AGBL1: variants seen among roughly 807,000 people sequenced by gnomAD.
The protein encoded by AGBL1 is AGBL carboxypeptidase 1.
AGBL1 carries 130 observed loss-of-function variants against 118.9 expected under a neutral mutation model. The ratio of observed to expected loss-of-function variants is 1.09; its 90% CI spans 0.95 to 1.26. The LOEUF is 1.26. AGBL1 is among the 50% of genes most tolerant of loss of function. The pLI, the probability that AGBL1 is intolerant of heterozygous loss-of-function variation, is 0.00. For synonymous variants in AGBL1, 555 were observed against 478.9 expected (o/e 1.16, Z -2.08); for missense variants, 1,584 against 1,298.1 (o/e 1.22, Z -3.38).
rs57985975 is a variant in AGBL1, at chr15:87,012,192, T to TACACACACAC, written c.3324-16606_3324-16597dup. On this transcript the variant is annotated intron_variant, in intron 24 of 24. Transcript: ENST00000441037. ...ACTTTTCTTTGTATATACAAATTTA[T>TACACACACAC]ACACACACACACACACACACACACA... 3.5e-3 allele frequency among the ~76,000 whole-genome samples: 494 copies of TACACACACAC among 142,772 alleles called. 4 individuals are homozygous for TACACACACAC. The highest frequency in any genetic ancestry group is 0.011 in the African/African-American group (449 of 39,424). 93.7% of individuals were successfully genotyped at this position (142,772 alleles called of 152,430 possible). A position where few individuals can be genotyped will look rare whatever the true frequency, so the allele number is the denominator to read the frequency against.
intron 18 of AGBL1, among the ~76,000 whole-genome samples, chr15:86,414,776 C>T (rs938249830): frequency 5.3e-5 from 8 of 152,192 alleles, no homozygotes; most frequent in African/African-American, 1.9e-4. Context: ...GCAATGTTTC[C>T]CCAGGCTTTT....
intron 18 of AGBL1, among the ~76,000 whole-genome samples, chr15:86,522,324 G>A (rs151321942): frequency 5.8e-4 from 88 of 152,244 alleles, no homozygotes; most frequent in African/African-American, 2.0e-3. Context: ...TTATGGCCTA[G>A]ATCTCCAGCC....
intron 18 of AGBL1, among the ~76,000 whole-genome samples, chr15:86,510,899 C>T (rs912916551): frequency 2.6e-5 from 4 of 152,022 alleles, no homozygotes; most frequent in East Asian, 1.9e-4. Flanking sequence ...TGTCTATCAC[C>T]TTCTGACCAC....
At chr15:86,956,067 C>T (rs2141677621) in intron 23 of AGBL1, among the ~76,000 whole-genome samples, 1 of 152,092 alleles carries the variant, frequency 6.6e-6, no homozygotes, top group Admixed American at 6.6e-5. Flanking sequence ...TCCCAAGCAA[C>T]ATTGTTGGTA....
intron 17 of AGBL1, among the ~76,000 whole-genome samples, chr15:86,336,589 G>A (rs1453455792): frequency 3.3e-5 from 5 of 152,224 alleles, no homozygotes; most frequent in Admixed American, 6.5e-5. Flanking sequence ...GCATCAGCAT[G>A]AGGAGGGGTG....
At chr15:86,858,559 A>C (rs1019230450) in intron 22 of AGBL1, among the ~76,000 whole-genome samples, 1 of 152,068 alleles carries the variant, frequency 6.6e-6, no homozygotes. Flanking sequence ...CATTCAGCAA[A>C]CATTCACGGA....
At chr15:87,006,070 A>G (rs1251881249) in intron 24 of AGBL1, among the ~76,000 whole-genome samples, 1 of 152,190 alleles carries the variant, frequency 6.6e-6, no homozygotes, top group Non-Finnish European at 1.5e-5. Flanking sequence ...GTCTCAGAAG[A>G]GTACCCAGCC....
intron 21 of AGBL1, among the ~76,000 whole-genome samples, chr15:86,673,531 A>G (rs1038334208): frequency 6.6e-6 from 1 of 152,170 alleles, no homozygotes; most frequent in Non-Finnish European, 1.5e-5. Flanking sequence ...ACTTGTATTC[A>G]TAAGTCTGCA....
At chr15:86,857,463 C>G (rs2079499419) in intron 22 of AGBL1, among the ~76,000 whole-genome samples, 1 of 152,186 alleles carries the variant, frequency 6.6e-6, no homozygotes. Context: ...CACATGGTCT[C>G]TCTCAAAACA....
intron 18 of AGBL1, among the ~76,000 whole-genome samples, chr15:86,456,277 A>T (rs957890083): frequency 2.0e-5 from 3 of 152,230 alleles, no homozygotes; most frequent in Non-Finnish European, 4.4e-5. Context: ...AACTGAAAAA[A>T]GACACAAAGG....
intron 23 of AGBL1, among the ~76,000 whole-genome samples, chr15:86,927,948 A>AT (rs397816459): frequency 8.2e-4 from 125 of 151,772 alleles, no homozygotes; most frequent in Middle Eastern, 3.4e-3. Context: ...ATATATATAT[A>AT]AAATGTGTGT....
At chr15:86,625,081 G>A (rs2084863348) in intron 21 of AGBL1, among the ~76,000 whole-genome samples, 1 of 152,226 alleles carries the variant, frequency 6.6e-6, no homozygotes, top group South Asian at 2.1e-4. Flanking sequence ...CCAGTCATTC[G>A]ACCAGGTTTG....
At chr15:86,277,801 G>A (rs1597668253) in intron 15 of AGBL1, among the ~76,000 whole-genome samples, 1 of 152,210 alleles carries the variant, frequency 6.6e-6, no homozygotes, top group South Asian at 2.1e-4. Flanking sequence ...GGCACAAGGT[G>A]CGTGTTTCCA....
At chr15:86,311,373 G>A (rs1180981951) in intron 17 of AGBL1, among the ~76,000 whole-genome samples, 1 of 152,048 alleles carries the variant, frequency 6.6e-6, no homozygotes, top group Non-Finnish European at 1.5e-5. Flanking sequence ...TCTATTTTTT[G>A]TTTGCTATAA....
intron 22 of AGBL1, among the ~76,000 whole-genome samples, chr15:86,783,665 C>T (rs946172983): frequency 1.3e-5 from 2 of 152,132 alleles, no homozygotes; most frequent in African/African-American, 2.4e-5. Context: ...AGTCTCACTC[C>T]GTCACCCAGG....
At chr15:86,630,925 A>T (rs2084952881) in intron 21 of AGBL1, 1 of 159,806 alleles carries the variant, frequency 6.3e-6, no homozygotes, top group Non-Finnish European at 1.3e-5. Flanking sequence ...GCAACGTGCT[A>T]TTTTAACGAG....
At position 86,433,266 on chromosome 15, in the gene AGBL1, C is replaced by CTTTTTTTTTTTTTTTTTTTTTTTTTTTT. The variant is rs59417397; in HGVS notation, c.2555+35747_2555+35748insTTTTTTTTTTTTTTTTTTTTTTTTTTTT. Reference sequence around the variant, plus strand: ...TCTCCTCCTCCTCCTCCTCCTTCTTCTTTTTTTTTTTTTTTTTTTTTTTTT... The same window carrying CTTTTTTTTTTTTTTTTTTTTTTTTTTTT: ...TCTCCTCCTCCTCCTCCTCCTTCTTCTTTTTTTTTTTTTTTTTTTTTTTTTTTTTTTTTTTTTTTTTTTTTTTTTTTTT... On this transcript the variant is annotated intron_variant, in intron 18 of 22. Transcript: ENST00000614907. Among the ~76,000 whole-genome samples, 5 of 74,886 alleles carry CTTTTTTTTTTTTTTTTTTTTTTTTTTTT rather than the reference C, an allele frequency of 6.7e-5. 1 individual carries two copies. The highest frequency in any genetic ancestry group is 1.2e-4 in the Non-Finnish European group (5 of 40,354). The allele number at this position is 74,886 out of a possible 152,430, so 49.1% of individuals were successfully genotyped here. A position where few individuals can be genotyped will look rare whatever the true frequency, so the allele number is the denominator to read the frequency against.
At position 86,119,502 on chromosome 15, in the gene AGBL1, C is replaced by T. The variant is rs185809174; in HGVS notation, c.52-22502C>T. Among the ~76,000 whole-genome samples, 1,408 of 152,224 alleles carry T rather than the reference C, an allele frequency of 9.2e-3. 13 individuals carry two copies. Among genetic ancestry groups the T allele is most frequent in the Non-Finnish European group, 0.014 (951 of 68,020 alleles). On this transcript the variant is annotated intron_variant, in intron 1 of 22. Coordinates refer to ENST00000614907, the MANE Select transcript of AGBL1 (RefSeq NM_001386094.1). ...CTGAAGAGACACCAGATTCAATAGT[C>T]GTGATAAGTGGACTGATTGGCCCAG... is the stretch of plus-strand genomic sequence containing the variant.
chr15:86,560,394 G>C (rs1567057942), intron 21 of AGBL1, among the ~76,000 whole-genome samples: 1 of 151,436 alleles, frequency 6.6e-6, no homozygotes, highest in African/African-American at 2.4e-5. Flanking sequence ...GTGGTGTTTG[G>C]TTTTTTGTCC....
Sources: gnomAD v4.1 joint callset for allele counts (sites outside exome capture counted in the v4.1 genomes callset) on GRCh38, gnomAD v4.1.1 for gene constraint, MANE v1.5 for transcripts, NCBI Gene and HGNC (gene_info 2026-07-23, HGNC 2026-07-21) for gene names.